CTNNA3: variants seen among roughly 807,000 people sequenced by gnomAD.
CTNNA3 encodes the protein catenin alpha 3.
Under a neutral mutation model 95.7 loss-of-function variants are expected in CTNNA3, and 76 were observed. That is an observed-to-expected ratio of 0.79 (90% CI 0.66 to 0.96). The LOEUF is 0.96. CTNNA3 is among the 40% of genes least tolerant of loss of function. The pLI is 0.00. For missense variants in CTNNA3, 1,191 were observed against 1,089.8 expected (o/e 1.09, Z -1.31); for synonymous variants, 431 against 374.4 (o/e 1.15, Z -1.74).
At chr10:67,157,449 C>T (rs1301473129) in intron 7 of CTNNA3, among the ~76,000 whole-genome samples, 1 of 152,096 alleles carries the variant, frequency 6.6e-6, no homozygotes, top group African/African-American at 2.4e-5. Flanking sequence ...GAAGCTACAA[C>T]CCCTTGAAAT....
intron 1 of CTNNA3, among the ~76,000 whole-genome samples, chr10:67,727,228 A>G (rs1418245646): frequency 8.0e-6 from 1 of 125,366 alleles, no homozygotes; most frequent in Non-Finnish European, 1.6e-5. Flanking sequence ...TGTATATTAC[A>G]TATTATATAC....
At chr10:67,700,969 C>T (rs1396209151), upstream of CTNNA3, among the ~76,000 whole-genome samples, 5 of 152,002 alleles carry the variant, frequency 3.3e-5, no homozygotes, top group African/African-American at 4.8e-5. Context: ...TCGAGAACTA[C>T]GTGAAGAACG....
chr10:66,005,387 G>A (rs966747514), intron 15 of CTNNA3, among the ~76,000 whole-genome samples: 3 of 152,084 alleles, frequency 2.0e-5, no homozygotes, highest in African/African-American at 4.8e-5. Context: ...ATAAATTGAC[G>A]GTGTTATGGT....
chr10:67,360,116 G>C (rs754791316), intron 5 of CTNNA3, among the ~76,000 whole-genome samples: 7 of 151,888 alleles, frequency 4.6e-5, no homozygotes, highest in Non-Finnish European at 1.0e-4. Flanking sequence ...AAGCTTCATA[G>C]TACAGGAGAA....
chr10:67,512,648 T>G (rs981347222), intron 5 of CTNNA3, among the ~76,000 whole-genome samples: 1 of 152,106 alleles, frequency 6.6e-6, no homozygotes, highest in Admixed American at 6.6e-5. Flanking sequence ...TTATAAGTCT[T>G]TCCTTTGTCT....
chr10:67,202,344 C>T (rs988042437), intron 6 of CTNNA3, among the ~76,000 whole-genome samples: 2 of 152,140 alleles, frequency 1.3e-5, no homozygotes, highest in African/African-American at 4.8e-5. Flanking sequence ...TAAGCGCTCA[C>T]TCTAGGAACA....
At chr10:66,811,527 A>G (rs1841875200) in intron 7 of CTNNA3, among the ~76,000 whole-genome samples, 1 of 152,296 alleles carries the variant, frequency 6.6e-6, no homozygotes, top group South Asian at 2.1e-4. Flanking sequence ...AATGGAGTAA[A>G]GGTAGTTTGA....
intron 7 of CTNNA3, among the ~76,000 whole-genome samples, chr10:66,799,412 T>G (rs916265742): frequency 1.2e-4 from 18 of 151,702 alleles, no homozygotes; most frequent in African/African-American, 3.9e-4. Context: ...AAAATTAGAA[T>G]TAATCATTTA....
At chr10:66,520,245 C>CTTTT (rs543882241) in intron 11 of CTNNA3, among the ~76,000 whole-genome samples, 915 of 78,068 alleles carry the variant, frequency 0.012, 45 homozygotes, top group Non-Finnish European at 0.018. Flanking sequence ...TAGTATTATT[C>CTTTT]TTTTTTTTTT....
intron 10 of CTNNA3, among the ~76,000 whole-genome samples, chr10:66,526,889 G>T (rs962598942): frequency 6.6e-6 from 1 of 151,942 alleles, no homozygotes; most frequent in Non-Finnish European, 1.5e-5. Flanking sequence ...CACTCTTTGG[G>T]TTGCCTCTTC....
chr10:66,991,489 T>A (rs1851034721), intron 7 of CTNNA3, among the ~76,000 whole-genome samples: 1 of 152,198 alleles, frequency 6.6e-6, no homozygotes, highest in South Asian at 2.1e-4. Context: ...AAGGGTATAT[T>A]TAAACATTAT....
intron 13 of CTNNA3, among the ~76,000 whole-genome samples, chr10:66,249,855 TAA>T (rs1467765010): frequency 1.3e-5 from 2 of 151,912 alleles, no homozygotes; most frequent in South Asian, 4.2e-4. Context: ...AAACAAAAAC[TAA>T]AAATAGAACT....
At chr10:67,428,351 C>A (rs896137520) in intron 5 of CTNNA3, among the ~76,000 whole-genome samples, 2 of 151,998 alleles carry the variant, frequency 1.3e-5, no homozygotes, top group African/African-American at 2.4e-5. Context: ...ATTTATATAT[C>A]ATTAATGAGT....
At chr10:65,957,003 T>G (rs535552465) in intron 17 of CTNNA3, among the ~76,000 whole-genome samples, 1 of 152,148 alleles carries the variant, frequency 6.6e-6, no homozygotes, top group Non-Finnish European at 1.5e-5. Flanking sequence ...AAATCTCCCA[T>G]TATTATTGTG....
chr10:66,132,264 A>G (rs1432433227), intron 13 of CTNNA3, among the ~76,000 whole-genome samples: 1 of 152,252 alleles, frequency 6.6e-6, no homozygotes, highest in East Asian at 1.9e-4. Context: ...ACTTTTCAAA[A>G]GAAGACATAC....
chr10:66,015,802 T>TATAACACAC (rs2079084228), intron 15 of CTNNA3, among the ~76,000 whole-genome samples: 1 of 152,178 alleles, frequency 6.6e-6, no homozygotes, highest in South Asian at 2.1e-4. Context: ...ACTTAACACA[T>TATAACACAC]ATAACACACA....
intron 5 of CTNNA3, among the ~76,000 whole-genome samples, chr10:67,265,599 C>T (rs1320188769): frequency 1.3e-5 from 2 of 152,180 alleles, no homozygotes; most frequent in Non-Finnish European, 1.5e-5. Flanking sequence ...CCTCCTACTC[C>T]CTGCACTAGA....
intron 15 of CTNNA3, among the ~76,000 whole-genome samples, chr10:66,008,485 T>G (rs1429245464): frequency 1.3e-5 from 2 of 152,220 alleles, no homozygotes; most frequent in East Asian, 1.9e-4. Context: ...CACATTGAGC[T>G]TTTGGTGTCT....
chr10:67,211,059 T>G (rs1864120105), intron 6 of CTNNA3, among the ~76,000 whole-genome samples: 1 of 152,218 alleles, frequency 6.6e-6, no homozygotes, highest in African/African-American at 2.4e-5. Flanking sequence ...TCTTATCTCC[T>G]GAATATGCAA....
Sources: gnomAD v4.1 joint callset for allele counts (sites outside exome capture counted in the v4.1 genomes callset) on GRCh38, gnomAD v4.1.1 for gene constraint, MANE v1.5 for transcripts, NCBI Gene and HGNC (gene_info 2026-07-23, HGNC 2026-07-21) for gene names.